The following CDH8 variants were observed in gnomAD, a reference collection of about 807,000 sequenced individuals.
CDH8 encodes the protein cadherin 8, also known as cadherin-8.
Under a neutral mutation model 68.1 loss-of-function variants are expected in CDH8, and 17 were observed. That is an observed-to-expected ratio of 0.25 (90% CI 0.17 to 0.37). The LOEUF is 0.37. Ranked by LOEUF, CDH8 falls within the 10% of genes least tolerant of loss-of-function variation. CDH8 has a pLI of 1.00. For missense variants in CDH8, 763 were observed against 999.3 expected (o/e 0.76, Z 3.19); for synonymous variants, 372 against 365.1 (o/e 1.02, Z -0.21).
chr16:62,002,428 T>G (rs2150597649), intron 2 of CDH8, among the ~76,000 whole-genome samples: 1 of 152,320 alleles, frequency 6.6e-6, no homozygotes, highest in African/African-American at 2.4e-5. Flanking sequence ...ACGACTTCAT[T>G]AAATCGGTTT....
chr16:61,764,557 G>T (rs1379762092), intron 8 of CDH8, among the ~76,000 whole-genome samples: 1 of 152,016 alleles, frequency 6.6e-6, no homozygotes. Context: ...GTACATTTTA[G>T]TTCATCTCAA....
intron 2 of CDH8, among the ~76,000 whole-genome samples, chr16:61,930,734 C>G (rs1470982895): frequency 2.0e-5 from 3 of 152,112 alleles, no homozygotes; most frequent in Admixed American, 2.0e-4. Flanking sequence ...TTTAAAATGC[C>G]TAAAGTAAGA....
At chr16:61,952,892 G>C (rs925444730) in intron 2 of CDH8, among the ~76,000 whole-genome samples, 14 of 152,148 alleles carry the variant, frequency 9.2e-5, no homozygotes, top group African/African-American at 3.1e-4. Context: ...AGAATACCTA[G>C]GTAACAATTC....
At chr16:61,748,588 A>G (rs181468907) in intron 8 of CDH8, among the ~76,000 whole-genome samples, 193 of 152,148 alleles carry the variant, frequency 1.3e-3, no homozygotes, top group Non-Finnish European at 2.3e-3. Flanking sequence ...TAAAGAAAAA[A>G]AAAGGGAAAT....
At chr16:61,937,908 T>G (rs1337671565) in intron 2 of CDH8, 1 of 152,160 alleles carries the variant, frequency 6.6e-6, no homozygotes, top group Admixed American at 6.5e-5. Context: ...CTATTTATAT[T>G]TTTAGACTGG....
intron 2 of CDH8, among the ~76,000 whole-genome samples, chr16:61,984,107 T>C (rs1597108051): frequency 6.6e-6 from 1 of 151,828 alleles, no homozygotes; most frequent in East Asian, 2.0e-4. Flanking sequence ...TTAGTACAGA[T>C]GGGGTGTCAT....
intron 10 of CDH8, among the ~76,000 whole-genome samples, chr16:61,657,779 A>G (rs971137486): frequency 1.3e-5 from 2 of 152,122 alleles, no homozygotes; most frequent in African/African-American, 4.8e-5. Context: ...TCTATGAGAA[A>G]CAATCTTTCC....
intron 2 of CDH8, among the ~76,000 whole-genome samples, chr16:61,981,801 T>G (rs777250112): frequency 1.3e-5 from 2 of 152,142 alleles, no homozygotes; most frequent in Non-Finnish European, 2.9e-5. Flanking sequence ...ATAAAGAATC[T>G]CAGATTATAC....
At chr16:61,972,727 G>T (rs149758940) in intron 2 of CDH8, among the ~76,000 whole-genome samples, 1 of 151,950 alleles carries the variant, frequency 6.6e-6, no homozygotes, top group East Asian at 1.9e-4. Context: ...TCCATGGAAT[G>T]ACCTAAGAAT....
At chr16:61,724,764 A>G (rs1959297168) in intron 9 of CDH8, among the ~76,000 whole-genome samples, 1 of 150,980 alleles carries the variant, frequency 6.6e-6, no homozygotes, top group South Asian at 2.1e-4. Context: ...TTCTAGTTCC[A>G]TAGTGAGTCA....
At chr16:61,735,350 G>T (rs1413764192) in intron 8 of CDH8, among the ~76,000 whole-genome samples, 1 of 151,928 alleles carries the variant, frequency 6.6e-6, no homozygotes, top group African/African-American at 2.4e-5. Context: ...ATACCCTTTT[G>T]TCCTAGAAAA....
At chr16:61,789,225 C>A in intron 8 of CDH8, 121 bp downstream of exon 8, 1 of 820,940 alleles carries the variant, frequency 1.2e-6, no homozygotes, top group Non-Finnish European at 1.9e-6. Context: ...TCCTTGGGAA[C>A]AATCAAATAA....
chr16:61,782,090 G>C (rs1344324818), intron 8 of CDH8, among the ~76,000 whole-genome samples: 3 of 152,204 alleles, frequency 2.0e-5, no homozygotes, highest in African/African-American at 7.2e-5. Context: ...GAGGAGCCAA[G>C]ATGGCCGAAT....
chr16:61,817,616 G>A lies in CDH8; in HGVS notation c.1140C>T (p.Ile380=), dbSNP rs760196212. The change falls in exon 7 of 12, where the codon ATC becomes ATT. Residue 380 remains isoleucine (I), a synonymous_variant. Transcript: ENST00000577390. ...GAGGCTCATCAGCATCTTCAACCACGATTTTGACTGTCGCCGTGTCTTTAA... is the reference window on the plus strand; with the variant it reads ...GAGGCTCATCAGCATCTTCAACCACAATTTTGACTGTCGCCGTGTCTTTAA... ...GPFKDTATVK[I]VVEDADEPPV... The A allele has an allele frequency of 3.1e-6, 5 of 1,613,956 alleles. No homozygotes were observed. The highest frequency in any genetic ancestry group is 2.2e-5 in the South Asian group (2 of 91,072).
intron 7 of CDH8, among the ~76,000 whole-genome samples, chr16:61,813,456 G>A (rs1004491303): frequency 6.6e-6 from 1 of 152,168 alleles, no homozygotes; most frequent in African/African-American, 2.4e-5. Flanking sequence ...GGCCCTTGGA[G>A]AATCTCCGGC....
chr16:61,663,779 C>T (rs1963615274), intron 10 of CDH8, among the ~76,000 whole-genome samples: 1 of 151,096 alleles, frequency 6.6e-6, no homozygotes, highest in African/African-American at 2.4e-5. Flanking sequence ...ATTCCTGTTA[C>T]CGAACAAAAC....
At chr16:61,726,895 G>A in intron 9 of CDH8, 199 bp downstream of exon 9, 2 of 560,996 alleles carry the variant, frequency 3.6e-6, no homozygotes, top group Non-Finnish European at 3.1e-6. Flanking sequence ...CACTTTAGGA[G>A]CCAATTTGGT....
At chr16:61,709,229 A>C (rs1964585044) in intron 10 of CDH8, among the ~76,000 whole-genome samples, 1 of 152,052 alleles carries the variant, frequency 6.6e-6, no homozygotes, top group African/African-American at 2.4e-5. Context: ...GGCCAGAAAA[A>C]GGACAATTGG....
At chr16:61,795,550 T>C (rs1270207234) in intron 7 of CDH8, among the ~76,000 whole-genome samples, 1 of 152,074 alleles carries the variant, frequency 6.6e-6, no homozygotes, top group Non-Finnish European at 1.5e-5. Context: ...AGTTGATAAA[T>C]GATTCACATT....
Sources: gnomAD v4.1 joint callset for allele counts (sites outside exome capture counted in the v4.1 genomes callset) on GRCh38, gnomAD v4.1.1 for gene constraint, MANE v1.5 for transcripts, NCBI Gene and HGNC (gene_info 2026-07-23, HGNC 2026-07-21) for gene names.